Variants in ITGAE observed in about 807,000 individuals in gnomAD.
ITGAE encodes the protein integrin alpha-E.
Under a neutral mutation model 136.5 loss-of-function variants are expected in ITGAE, and 99 were observed. The ratio of observed to expected loss-of-function variants is 0.73; its 90% CI spans 0.62 to 0.86. The LOEUF is 0.86. ITGAE is among the 40% of genes least tolerant of loss of function. The probability of loss-of-function intolerance (pLI) is 0.00; values close to 1 mark genes in which losing one functional copy is unlikely to be tolerated. For synonymous variants in ITGAE, 613 were observed against 591.8 expected (o/e 1.04, Z -0.52); for missense variants, 1,447 against 1,515.3 (o/e 0.95, Z 0.75).
chr17:3,726,136 G>A (rs373475298), intron 26 of ITGAE: 2 of 1,614,196 alleles, frequency 1.2e-6, no homozygotes, highest in South Asian at 1.1e-5. Context: ...AACCGCTGGG[G>A]TGAATATCAC....
intron 7 of ITGAE, among the ~76,000 whole-genome samples, 169 bp from the exon 8 acceptor site, chr17:3,759,722 T>C (rs936027280): frequency 5.3e-5 from 8 of 151,840 alleles, no homozygotes; most frequent in African/African-American, 1.9e-4. Context: ...TGGAGAAGGG[T>C]GCGATAGTAA....
In ITGAE at chr17:3,795,945, G is replaced by C. The variant is rs201222971; in HGVS notation, c.34+5166C>G. Reference sequence around the variant, plus strand: ...TGTGTGCATCCGTGTGTGTGCATCCGTGTGTGCATCCCTGTGTGTGCGTGT... The same window carrying C: ...TGTGTGCATCCGTGTGTGTGCATCCCTGTGTGCATCCCTGTGTGTGCGTGT... On this transcript the variant is annotated intron_variant, in intron 1 of 30. Coordinates refer to ENST00000263087, the MANE Select transcript of ITGAE (RefSeq NM_002208.5). 5.6e-4 allele frequency among the ~76,000 whole-genome samples: 82 copies of C among 145,694 alleles called. No homozygotes were observed. The East Asian group carries it at 0.011, about 20-fold the overall frequency.
rs34048511 is a variant in ITGAE at position 3,776,745 on chromosome 17, G to GT, written c.155+794_155+795insA. Among the ~76,000 whole-genome samples, 4 of 111,390 alleles carry GT rather than the reference G, an allele frequency of 3.6e-5. No homozygotes were observed. The East Asian group carries it at 8.5e-4, about 24-fold the overall frequency. 73.1% of individuals were successfully genotyped at this position (111,390 alleles called of 152,430 possible). ...GACAGTTTTTGGTTTTTTTTGAGTTGGGGGGGTCTCACTATGTTGCCCAGG... is the reference window on the plus strand; with the variant it reads ...GACAGTTTTTGGTTTTTTTTGAGTTGTGGGGGGTCTCACTATGTTGCCCAGG... On this transcript the variant is annotated intron_variant, in intron 2 of 30. Transcript: ENST00000263087.
rs554803024 is a variant in ITGAE, at chr17:3,767,285, T to C, written c.156-3325A>G. Among the ~76,000 whole-genome samples the C allele has an allele frequency of 2.4e-4, 37 of 152,106 alleles. No individual in the cohort carries two copies. In the South Asian group the frequency reaches 7.7e-3, roughly 32 times the overall value. ...CTAATTTTCGTATTTTTAGTACAGATGGGGTTTTCACCATGTTGGCCAGGC... is the reference window on the plus strand; with the variant it reads ...CTAATTTTCGTATTTTTAGTACAGACGGGGTTTTCACCATGTTGGCCAGGC... On this transcript the variant is annotated intron_variant, in intron 2 of 30. Transcript: ENST00000263087.
chr17:3,760,385 C>T, intron 6 of ITGAE, 98 bp from the exon 7 acceptor site: 1 of 498,588 alleles, frequency 2.0e-6, no homozygotes, highest in South Asian at 2.6e-5. Flanking sequence ...CCCTGACAAC[C>T]AGCTCAGTTC....
In ITGAE at chr17:3,799,018, G is replaced by C. The variant is rs9914255; in HGVS notation, c.34+2093C>G. Among the ~76,000 whole-genome samples, 18,334 of 152,196 alleles carry C rather than the reference G, an allele frequency of 0.12. 1,340 individuals are homozygous for C. The highest frequency in any genetic ancestry group is 0.27 in the South Asian group (1,297 of 4,816). On this transcript the variant is annotated intron_variant, in intron 1 of 30. Transcript: ENST00000263087. The surrounding 1 kb of genome is among the most constrained non-coding windows in gnomAD (Gnocchi z 4.1). ...CTGGCCTGGAGAGAGTGGAAGGTCA[G>C]GGCCAGGCCAGGCCAGTCCTGGATT...
At chr17:3,772,320 C>T (rs1216994840) in intron 2 of ITGAE, among the ~76,000 whole-genome samples, 1 of 152,138 alleles carries the variant, frequency 6.6e-6, no homozygotes, top group Admixed American at 6.6e-5. Flanking sequence ...CCCGGGAGCT[C>T]CATGAAGGCA....
chr17:3,723,432 C>G (rs1250428891), intron 27 of ITGAE, 49 bp from the exon 28 acceptor site: 1 of 1,388,332 alleles, frequency 7.2e-7, no homozygotes. Flanking sequence ...TGCGGAAAGT[C>G]TGAAATCTTT....
In ITGAE at chr17:3,716,802, G is replaced by C; in HGVS notation, c.3334-4C>G. 3 of 1,505,276 alleles carry C rather than the reference G, an allele frequency of 2.0e-6. No individual in the cohort carries two copies. Among genetic ancestry groups the C allele is most frequent in the Non-Finnish European group, 1.8e-6 (2 of 1,084,180 alleles). 93.2% of individuals were successfully genotyped at this position (1,505,276 alleles called of 1,614,324 possible). On this transcript the variant is annotated splice_region_variant and splice_polypyrimidine_tract_variant and intron_variant, in intron 29 of 30. Transcript: ENST00000263087. ...CTTTCAGGAAGACGACAGTGATCTA[G>C]ACAAGACAAAGAGATCGCCCAATAA... is the stretch of plus-strand genomic sequence containing the variant.
At chr17:3,791,154 CAAAAA>C (rs61179988) in intron 1 of ITGAE, among the ~76,000 whole-genome samples, 3 of 96,286 alleles carry the variant, frequency 3.1e-5, no homozygotes, top group Non-Finnish European at 4.2e-5. Context: ...GACTCTGTCT[CAAAAA>C]AAAAAAAAAA....
intron 2 of ITGAE, among the ~76,000 whole-genome samples, chr17:3,765,546 G>A (rs905779939): frequency 1.3e-5 from 2 of 151,966 alleles, no homozygotes; most frequent in South Asian, 2.1e-4. Flanking sequence ...GCACCTGTGC[G>A]TCCATCCGCC....
chr17:3,723,991 C>A (rs761221456), intron 26 of ITGAE: 4 of 1,593,154 alleles, frequency 2.5e-6, no homozygotes, highest in East Asian at 4.5e-5. Flanking sequence ...TATGGGGCTG[C>A]GGACGGCAGG....
Position 3,798,647 on chromosome 17 carries a change from C to T in ITGAE, c.34+2464G>A, listed in dbSNP as rs911896707. The stretch of plus-strand genomic sequence containing the variant: ...ACAGCCCCTGGCCTCAGCCCGAGTG[C>T]GTGCCACCAGCAGAGCGGGCCCTGG... On this transcript the variant is annotated intron_variant, in intron 1 of 30. Coordinates refer to ENST00000263087, the MANE Select transcript of ITGAE (RefSeq NM_002208.5). The surrounding 1 kb of genome is among the most constrained non-coding windows in gnomAD (Gnocchi z 4.3). Among the ~76,000 whole-genome samples, 5 of 152,324 alleles carry T rather than the reference C, an allele frequency of 3.3e-5. No homozygotes were observed. Among genetic ancestry groups the T allele is most frequent in the South Asian group, 4.1e-4 (2 of 4,828 alleles).
intron 1 of ITGAE, among the ~76,000 whole-genome samples, chr17:3,793,419 G>C (rs2052988546): frequency 6.6e-6 from 1 of 152,050 alleles, no homozygotes; most frequent in East Asian, 1.9e-4. Flanking sequence ...TGTGATCTTG[G>C]CTCACCGCAA....
chr17:3,784,297 C>G (rs1015915596), intron 1 of ITGAE: 1 of 357,418 alleles, frequency 2.8e-6, no homozygotes, highest in African/African-American at 2.3e-5. Context: ...AAAATAAAAG[C>G]AGACCAAAAA....
Position 3,719,803 on chromosome 17 carries a change from C to T in ITGAE, c.3333+504G>A, listed in dbSNP as rs184274614. On this transcript the variant is annotated intron_variant, in intron 29 of 30. Transcript: ENST00000263087. ...AGTGGAGTGGTGTGATCTCGGCTCACTGCAACCTCTGCCTCCCAGATTCAA... is the reference window on the plus strand; with the variant it reads ...AGTGGAGTGGTGTGATCTCGGCTCATTGCAACCTCTGCCTCCCAGATTCAA... 6.5e-4 allele frequency among the ~76,000 whole-genome samples: 98 copies of T among 151,566 alleles called. 1 individual carries two copies. Among genetic ancestry groups the T allele is most frequent in the Admixed American group, 5.8e-3 (89 of 15,224 alleles).
Position 3,723,693 on chromosome 17 carries a change from C to T in ITGAE, c.3136G>A (p.Val1046Ile). Residue 1046 changes from valine (V) to isoleucine (I), a missense_variant, in exon 27 of 31, where the codon GTT (valine) becomes ATT (isoleucine). This residue lies in a region of ITGAE where 1,031 missense variants were observed against 1,011.4 expected (regional missense o/e 1.02). Transcript: ENST00000263087. ...SQERACAYSS[V>I]QHVEEWHSVS... The stretch of plus-strand genomic sequence containing the variant: ...CTCGGGACGGCCGCGCTTACCTGAA[C>T]CGAACTGTACGCACAAGCGCGCTCC... 6.3e-7 allele frequency: 1 copy of T among 1,598,526 alleles called. No individual in the cohort carries two copies.
At chr17:3,732,022 G>C (rs2051354970) in intron 22 of ITGAE, among the ~76,000 whole-genome samples, 1 of 152,122 alleles carries the variant, frequency 6.6e-6, no homozygotes, top group Non-Finnish European at 1.5e-5. Flanking sequence ...GTTGCAGTGA[G>C]CTGAGACTGT....
At chr17:3,792,000 G>C (rs1456488003) in intron 1 of ITGAE, among the ~76,000 whole-genome samples, 1 of 152,152 alleles carries the variant, frequency 6.6e-6, no homozygotes, top group South Asian at 2.1e-4. Context: ...TTCCAGACTT[G>C]AGGAGGAGGA....
Sources: allele counts gnomAD v4.1 joint callset (sites outside exome capture counted in the v4.1 genomes callset), GRCh38; gene constraint gnomAD v4.1.1; regional missense constraint gnomAD v4.1.1; non-coding constraint Gnocchi (gnomAD v3.1); transcripts MANE v1.5; gene names NCBI Gene and HGNC (gene_info 2026-07-23, HGNC 2026-07-21).